DMD: variants seen among roughly 807,000 people sequenced by gnomAD.
DMD encodes mutant dystrophin.
A neutral mutation model predicts 330.1 loss-of-function variants in DMD; 63 were observed. The observed-to-expected ratio is 0.19, with a 90% CI of 0.16 to 0.24. The LOEUF (loss-of-function observed/expected upper bound fraction) is 0.24. Among genes scored for constraint, DMD ranks in the 10% least tolerant of loss-of-function variants. The pLI, the probability that DMD is intolerant of heterozygous loss-of-function variation, is 1.00. For missense variants in DMD, 3,344 were observed against 2,684.1 expected, an observed-to-expected ratio of 1.25 and a Z score of -5.43; for synonymous variants, 1,223 against 959.8, an observed-to-expected ratio of 1.27 and a Z score of -5.07.
intron 55 of DMD, among the ~76,000 whole-genome samples, chrX:31,599,163 T>A (rs976364188): frequency 3.6e-5 from 4 of 112,096 alleles, no homozygotes; most frequent in Admixed American, 9.5e-5. Flanking sequence ...TTTTAATTAT[T>A]AAAAATCTTG....
intron 43 of DMD, among the ~76,000 whole-genome samples, chrX:32,268,257 G>A (rs1201332194): frequency 9.0e-6 from 1 of 111,494 alleles, no homozygotes; most frequent in Non-Finnish European, 1.9e-5. Flanking sequence ...GCCGGAAACT[G>A]CATGTCTTAG....
rs1475341 is a variant in DMD at position 33,127,175 on chromosome X, C to T, written c.31+84107G>A. Among the ~76,000 whole-genome samples the T allele has an allele frequency of 4.9e-3, 539 of 109,522 alleles. 4 individuals carry two copies. Among genetic ancestry groups the T allele is most frequent in the African/African-American group, 0.017 (513 of 30,155 alleles). ...ATCCTAACTCTTTTAGCTCACCCCC[C>T]TGAAAAAAAAACTAGCTGTCTTCCT... On this transcript the variant is annotated intron_variant, in intron 1 of 78. Transcript: ENST00000357033.
intron 29 of DMD, among the ~76,000 whole-genome samples, chrX:32,416,362 A>G (rs1358794060): frequency 5.4e-5 from 6 of 111,845 alleles, no homozygotes; most frequent in Non-Finnish European, 7.5e-5. Context: ...TCTCGTAATA[A>G]GACACTTTTA....
intron 55 of DMD, among the ~76,000 whole-genome samples, chrX:31,612,452 A>G (rs1260373311): frequency 8.9e-6 from 1 of 111,959 alleles, no homozygotes; most frequent in African/African-American, 3.2e-5. Flanking sequence ...AAATAGACAG[A>G]GCCTGGAGGC....
intron 2 of DMD, among the ~76,000 whole-genome samples, chrX:32,961,008 C>A (rs770034697): frequency 7.7e-4 from 85 of 109,728 alleles, no homozygotes; most frequent in Non-Finnish European, 1.4e-3. Context: ...AGTATTTTTC[C>A]CTTGTAAAAT....
chrX:32,311,119 T>G (rs2097560749), intron 41 of DMD, among the ~76,000 whole-genome samples: 1 of 110,639 alleles, frequency 9.0e-6, no homozygotes, highest in Admixed American at 9.7e-5. Context: ...ATGGATGACC[T>G]GTGCTCTCTT....
At chrX:31,200,560 T>C (rs1289102595) in intron 67 of DMD, among the ~76,000 whole-genome samples, 1 of 111,955 alleles carries the variant, frequency 8.9e-6, no homozygotes, top group Non-Finnish European at 1.9e-5. Flanking sequence ...ATAAGCATAA[T>C]AGGTACAAAT....
intron 54 of DMD, among the ~76,000 whole-genome samples, chrX:31,643,387 C>A (rs5927789): frequency 1.8e-5 from 2 of 110,334 alleles, no homozygotes; most frequent in African/African-American, 6.6e-5. Flanking sequence ...TTTTTTAAAA[C>A]TTTTCATTTG....
chrX:32,999,080 A>AAAAC (rs1165566711), intron 2 of DMD, among the ~76,000 whole-genome samples: 3 of 112,668 alleles, frequency 2.7e-5, no homozygotes, highest in Admixed American at 9.4e-5. Context: ...GCAGAACCAG[A>AAAAC]AAACAAACAA....
chrX:32,298,696 A>G (rs952734659), intron 42 of DMD, among the ~76,000 whole-genome samples: 3 of 110,501 alleles, frequency 2.7e-5, no homozygotes, highest in African/African-American at 1.0e-4. Context: ...AGCCATTTCT[A>G]TCACTTAAAT....
intron 17 of DMD, 34 bp from the exon 18 acceptor site, chrX:32,518,165 T>G: frequency 8.5e-7 from 1 of 1,177,692 alleles, no homozygotes; most frequent in Non-Finnish European, 1.2e-6. Context: ...CATTATTTCT[T>G]GATTATCTCT....
intron 7 of DMD, among the ~76,000 whole-genome samples, chrX:32,754,052 T>A (rs908639927): frequency 9.0e-6 from 1 of 111,533 alleles, no homozygotes. Flanking sequence ...CCTTTGCTGA[T>A]GTTATGTAAG....
intron 59 of DMD, among the ~76,000 whole-genome samples, chrX:31,474,013 T>G (rs1476281360): frequency 3.6e-5 from 4 of 112,253 alleles, no homozygotes; most frequent in Non-Finnish European, 7.5e-5. Flanking sequence ...AAATCATGAA[T>G]TTTAAAAGTA....
At chrX:32,845,012 C>G in intron 3 of DMD, 152 bp from the exon 4 acceptor site, 4 of 526,603 alleles carry the variant, frequency 7.6e-6, no homozygotes, top group Non-Finnish European at 9.8e-6. Flanking sequence ...ATACTTTGCG[C>G]TAATTGTCCT....
At chrX:31,209,987 T>A (rs2044485670) in intron 64 of DMD, among the ~76,000 whole-genome samples, 1 of 111,186 alleles carries the variant, frequency 9.0e-6, no homozygotes, top group African/African-American at 3.3e-5. Context: ...TATCTGAGAG[T>A]TAAGGGGACC....
chrX:33,025,679 A>C (rs1451903359), intron 1 of DMD, among the ~76,000 whole-genome samples: 2 of 111,017 alleles, frequency 1.8e-5, no homozygotes, highest in African/African-American at 6.6e-5. Context: ...CTGCCTCCTC[A>C]GTAGCTAGGA....
intron 1 of DMD, among the ~76,000 whole-genome samples, chrX:33,034,413 A>G (rs185600856): frequency 1.8e-3 from 198 of 111,772 alleles, no homozygotes; most frequent in Non-Finnish European, 2.7e-3. Flanking sequence ...TAGTTCTGCT[A>G]CTTATTAACA....
chrX:32,381,862 C>T (rs1190485143), intron 33 of DMD, among the ~76,000 whole-genome samples: 1 of 110,680 alleles, frequency 9.0e-6, no homozygotes, highest in Non-Finnish European at 1.9e-5. Context: ...TTTGGCTCTG[C>T]AGAAACAGCA....
rs762667409 is a variant in DMD at position 32,004,224 on chromosome X, A to G, written c.6439-35710T>C. On this transcript the variant is annotated intron_variant, in intron 44 of 78. Transcript: ENST00000357033. ...ACTATACTACAATTACCCCTACTTT[A>G]CATCTAAAAACACTTCCTAGAAATG... 3.6e-5 allele frequency among the ~76,000 whole-genome samples: 4 copies of G among 111,344 alleles called. No individual in the cohort carries two copies. In the East Asian group the frequency reaches 1.1e-3, roughly 32 times the overall value.
Sources: allele counts gnomAD v4.1 joint callset (sites outside exome capture counted in the v4.1 genomes callset), GRCh38; gene constraint gnomAD v4.1.1; transcripts MANE v1.5; gene names NCBI Gene and HGNC (gene_info 2026-07-23, HGNC 2026-07-21).